Variants in RAPGEF6 observed in about 807,000 individuals in gnomAD.
RAPGEF6 encodes PDZ domain containing guanine nucleotide exchange factor (GEF) 2.
RAPGEF6 carries 56 observed loss-of-function variants against 171.4 expected under a neutral mutation model. The ratio of observed to expected loss-of-function variants is 0.33; its 90% CI spans 0.26 to 0.41. RAPGEF6 has a LOEUF of 0.41. RAPGEF6 is among the 10% of genes least tolerant of loss of function. The probability of loss-of-function intolerance (pLI) is 1.00; values close to 1 mark genes in which losing one functional copy is unlikely to be tolerated. For synonymous variants in RAPGEF6, 692 were observed against 650.1 expected (o/e 1.06, Z -0.98); for missense variants, 1,674 against 1,921.4 (o/e 0.87, Z 2.41).
intron 25 of RAPGEF6, 104 bp from the exon 26 acceptor site, chr5:131,431,453 A>G: frequency 8.0e-7 from 1 of 1,246,902 alleles, no homozygotes; most frequent in Non-Finnish European, 1.1e-6. Context: ...CACGTACCAC[A>G]AGTGTTCATG....
At chr5:131,482,124 G>T (rs1006536136) in intron 15 of RAPGEF6, among the ~76,000 whole-genome samples, 1 of 152,122 alleles carries the variant, frequency 6.6e-6, no homozygotes, top group East Asian at 1.9e-4. Context: ...AAAGCACAGC[G>T]CAAGTTTATG....
intron 5 of RAPGEF6, among the ~76,000 whole-genome samples, chr5:131,552,167 G>C (rs1367552733): frequency 1.3e-5 from 2 of 151,872 alleles, no homozygotes; most frequent in Non-Finnish European, 2.9e-5. Flanking sequence ...GAATCTAATA[G>C]AAACCTACTC....
At chr5:131,483,785 T>C (rs1386299263) in intron 15 of RAPGEF6, among the ~76,000 whole-genome samples, 1 of 151,748 alleles carries the variant, frequency 6.6e-6, no homozygotes, top group Admixed American at 6.6e-5. Context: ...AGTAACAATA[T>C]AAAAAGGGGC....
At chr5:131,625,587 G>A (rs989615783) in intron 1 of RAPGEF6, among the ~76,000 whole-genome samples, 3 of 152,064 alleles carry the variant, frequency 2.0e-5, no homozygotes, top group African/African-American at 7.2e-5. Context: ...AGGCCGAGGT[G>A]GGTGGATCAC....
In RAPGEF6 at chr5:131,453,093, G is replaced by A; in HGVS notation, c.3161C>T (p.Thr1054Ile). The A allele has an allele frequency of 6.2e-7, 1 of 1,613,992 alleles. No homozygotes were observed. The highest frequency in any genetic ancestry group is 1.3e-5 in the African/African-American group (1 of 75,042). The part of the protein sequence containing the change: ...SKEIRQVVRM[T>I]SANMDPAMMF... ...CATAGCTGGGTCCATGTTAGCAGAA[G>A]TCATTCGAACAACTTGGCGGATTTC... is the stretch of plus-strand genomic sequence containing the variant. Residue 1054 changes from threonine to isoleucine, a missense_variant, in exon 21 of 28, where the codon ACT becomes ATT. Thr to Ile is a moderately conservative substitution (Grantham distance 89). Transcript: ENST00000509018.
chr5:131,470,627 T>G (rs1219252649), intron 17 of RAPGEF6, among the ~76,000 whole-genome samples: 2 of 152,064 alleles, frequency 1.3e-5, no homozygotes, highest in Non-Finnish European at 2.9e-5. Context: ...TGAAGACACT[T>G]TATTTTTGAA....
intron 5 of RAPGEF6, among the ~76,000 whole-genome samples, chr5:131,561,284 T>C (rs1193652830): frequency 6.6e-6 from 1 of 152,228 alleles, no homozygotes; most frequent in East Asian, 1.9e-4. Context: ...TTTACTTTTC[T>C]CTACTTCATT....
At chr5:131,490,457 A>C (rs968854878) in intron 14 of RAPGEF6, among the ~76,000 whole-genome samples, 2 of 152,216 alleles carry the variant, frequency 1.3e-5, no homozygotes, top group African/African-American at 4.8e-5. Context: ...CCATGCAAAA[A>C]TAATAAAAAG....
chr5:131,558,006 T>C (rs1761349217), intron 5 of RAPGEF6, among the ~76,000 whole-genome samples: 1 of 152,190 alleles, frequency 6.6e-6, no homozygotes, highest in South Asian at 2.1e-4. Flanking sequence ...AAAATTAAAA[T>C]AGGCTCATAA....
At chr5:131,477,166 G>A (rs577547100) in intron 16 of RAPGEF6, among the ~76,000 whole-genome samples, 3 of 152,040 alleles carry the variant, frequency 2.0e-5, no homozygotes, top group Admixed American at 6.5e-5. Context: ...TGACTGTCAA[G>A]AAATATAAGA....
At chr5:131,619,575 A>G (rs1446086260) in intron 1 of RAPGEF6, among the ~76,000 whole-genome samples, 1 of 152,260 alleles carries the variant, frequency 6.6e-6, no homozygotes, top group African/African-American at 2.4e-5. Flanking sequence ...CAACGTATCA[A>G]AAGATTGAGC....
At chr5:131,437,510 T>C (rs1466937552) in intron 24 of RAPGEF6, among the ~76,000 whole-genome samples, 2 of 152,228 alleles carry the variant, frequency 1.3e-5, no homozygotes, top group African/African-American at 4.8e-5. Flanking sequence ...TTGGACCATC[T>C]GTCTGACTGG....
intron 1 of RAPGEF6, among the ~76,000 whole-genome samples, chr5:131,607,018 C>T (rs1254683768): frequency 1.3e-5 from 2 of 152,152 alleles, no homozygotes; most frequent in African/African-American, 4.8e-5. Context: ...ACAGTGGGTC[C>T]ACTGAGTCTG....
chr5:131,605,571 GAAT>G (rs1315960815), intron 1 of RAPGEF6, among the ~76,000 whole-genome samples: 1 of 152,172 alleles, frequency 6.6e-6, no homozygotes, highest in African/African-American at 2.4e-5. Flanking sequence ...TTCCTATGAG[GAAT>G]AATGCCTTTA....
chr5:131,439,640 G>A lies in RAPGEF6; in HGVS notation c.3686C>T (p.Ser1229Phe). ...SGKKHTEDTISVASSLHSSPP... is the reference protein window; with the variant it reads ...SGKKHTEDTIFVASSLHSSPP... ...ACTAGAATGTAAAGATGACGCCACA[G>A]AAATAGTGTCTTCTGTATGCTTCTT... The change falls in exon 24 of 28, where the codon TCT becomes TTT. Residue 1229 changes from serine to phenylalanine, a missense_variant. Transcript: ENST00000509018. 6.2e-7 allele frequency: 1 copy of A among 1,612,912 alleles called. No homozygotes were observed. Among genetic ancestry groups the A allele is most frequent in the Non-Finnish European group, 8.5e-7 (1 of 1,179,382 alleles).
At chr5:131,584,614 C>A (rs576555820) in intron 4 of RAPGEF6, among the ~76,000 whole-genome samples, 4 of 152,302 alleles carry the variant, frequency 2.6e-5, no homozygotes, top group African/African-American at 9.6e-5. Context: ...ATTACTCCTG[C>A]AAGTAACAGT....
chr5:131,452,136 C>T (rs1215893764), intron 21 of RAPGEF6, among the ~76,000 whole-genome samples: 1 of 151,336 alleles, frequency 6.6e-6, no homozygotes. Context: ...AGGAGAATGG[C>T]GTGAACCCGG....
At chr5:131,629,590 CAA>C (rs34845240) in intron 1 of RAPGEF6, among the ~76,000 whole-genome samples, 18 of 117,008 alleles carry the variant, frequency 1.5e-4, no homozygotes, top group African/African-American at 3.7e-4. Flanking sequence ...CTCGTCTCTA[CAA>C]AAAAAAAAAA....
intron 6 of RAPGEF6, among the ~76,000 whole-genome samples, chr5:131,538,083 G>A (rs1467037109): frequency 5.9e-5 from 9 of 152,032 alleles, no homozygotes; most frequent in South Asian, 2.1e-4. Flanking sequence ...CAGCGAGACC[G>A]TCTCAAATAA....
Sources: allele counts gnomAD v4.1 joint callset (sites outside exome capture counted in the v4.1 genomes callset), GRCh38; gene constraint gnomAD v4.1.1; transcripts MANE v1.5; gene names NCBI Gene and HGNC (gene_info 2026-07-23, HGNC 2026-07-21).